Variants in ABCA13 observed in about 807,000 individuals in gnomAD.
ABCA13 encodes the protein ATP binding cassette subfamily A member 13.
A neutral mutation model predicts 478.7 loss-of-function variants in ABCA13; 476 were observed. That is an observed-to-expected ratio of 0.99 (90% confidence interval 0.92 to 1.07). The LOEUF is 1.07. ABCA13 is among the 50% of genes least tolerant of loss of function. ABCA13 has a pLI of 0.00. For synonymous variants in ABCA13, 2,252 were observed against 2,158.9 expected, an observed-to-expected ratio of 1.04 and a Z score of -1.20; for missense variants, 6,060 against 5,910.6, an observed-to-expected ratio of 1.03 and a Z score of -0.83.
intron 3 of ABCA13, among the ~76,000 whole-genome samples, chr7:48,204,740 A>G (rs946071663): frequency 6.6e-6 from 1 of 152,022 alleles, no homozygotes; most frequent in Admixed American, 6.5e-5. Context: ...TTCCTCTTCT[A>G]TATGCAGTCA....
chr7:48,399,956 A>G (rs1198302191), intron 38 of ABCA13, among the ~76,000 whole-genome samples: 5 of 152,016 alleles, frequency 3.3e-5, no homozygotes, highest in African/African-American at 4.8e-5. Context: ...AGGTCATTGT[A>G]TGGTTTTCCA....
chr7:48,534,688 G>C (rs909400763), intron 55 of ABCA13, among the ~76,000 whole-genome samples: 3 of 152,086 alleles, frequency 2.0e-5, no homozygotes, highest in African/African-American at 7.2e-5. Context: ...CTTCTTGGAG[G>C]CTTTGTTCAT....
At chr7:48,379,678 G>T (rs1318879997) in intron 35 of ABCA13, among the ~76,000 whole-genome samples, 2 of 151,900 alleles carry the variant, frequency 1.3e-5, no homozygotes, top group African/African-American at 2.4e-5. Flanking sequence ...GATACTAGAA[G>T]TAAAGCTAAT....
intron 29 of ABCA13, among the ~76,000 whole-genome samples, chr7:48,343,760 A>G: frequency 6.6e-6 from 1 of 151,962 alleles, no homozygotes; most frequent in South Asian, 2.1e-4. Context: ...CTTTATATAG[A>G]TTTTTTAAAG....
rs777815582 is a variant in ABCA13, at chr7:48,274,504, A to G, written c.4838A>G (p.Gln1613Arg). 1.2e-6 allele frequency: 2 copies of G among 1,613,822 alleles called. No individual in the cohort carries two copies. Among genetic ancestry groups the G allele is most frequent in the South Asian group, 1.1e-5 (1 of 91,082 alleles). The change falls in exon 17 of 62, where the codon CAA becomes CGA. Residue 1613 changes from glutamine (Q) to arginine (R), a missense_variant. By Grantham distance (43) the Gln-to-Arg change is conservative. Around this residue, in one of 3 missense-constraint regions of ABCA13, gnomAD observed 4,423 missense variants for 4,309.1 expected, o/e 1.03. Transcript: ENST00000435803. ...YLAFSLSHDLQNSPKIIISPE... is the reference protein window; with the variant it reads ...YLAFSLSHDLRNSPKIIISPE... ...GCCTTCAGCTTATCTCATGACCTCC[A>G]AAATTCACCAAAAATAATAATTTCA...
Position 48,313,132 on chromosome 7 carries a change from C to T in ABCA13, c.9582C>T (p.Ser3194=), listed in dbSNP as rs773229518. 1.9e-5 allele frequency: 30 copies of T among 1,612,954 alleles called. No homozygotes were observed. Among genetic ancestry groups the T allele is most frequent in the East Asian group, 2.2e-5 (1 of 44,868 alleles). ...TGCTGGATATAGTTTCCAGCCTCAG[C>T]GCCTTGCTTGCCAAAGCCCAGCACG... ...NSLLDIVSSL[S]ALLAKAQHVF... The change falls in exon 25 of 62, where the codon AGC becomes AGT. Residue 3194 remains serine, a synonymous_variant. Coordinates refer to ENST00000435803, the MANE Select transcript of ABCA13 (RefSeq NM_152701.5).
intron 8 of ABCA13, among the ~76,000 whole-genome samples, chr7:48,234,643 G>T (rs2129000803): frequency 6.6e-6 from 1 of 152,328 alleles, no homozygotes; most frequent in Non-Finnish European, 1.5e-5. Context: ...AAGGGAGTTG[G>T]ACTGGATGAT....
chr7:48,594,511 G>T (rs987330546), intron 57 of ABCA13, among the ~76,000 whole-genome samples, 199 bp from the exon 58 acceptor site: 1 of 152,044 alleles, frequency 6.6e-6, no homozygotes, highest in Non-Finnish European at 1.5e-5. Context: ...GAGGAGTCAG[G>T]CCCTCACTCA....
At position 48,279,633 on chromosome 7, in the gene ABCA13, A is replaced by G; in HGVS notation, c.8439A>G (p.Glu2813=). The G allele has an allele frequency of 6.2e-7, 1 of 1,612,830 alleles. No individual in the cohort carries two copies. Among genetic ancestry groups the G allele is most frequent in the Non-Finnish European group, 8.5e-7 (1 of 1,179,460 alleles). ...LSQNITHHQL[E]KAIHNVLSRI... ...AGAATATAACTCATCATCAACTTGAAAAAGCAATCCATAATGTTTTAAGTA... is the reference window on the plus strand; with the variant it reads ...AGAATATAACTCATCATCAACTTGAGAAAGCAATCCATAATGTTTTAAGTA... Residue 2813 remains glutamate (E), a synonymous_variant, in exon 18 of 62, where the codon GAA becomes GAG. Coordinates refer to ENST00000435803, the MANE Select transcript of ABCA13 (RefSeq NM_152701.5).
At chr7:48,418,080 C>T (rs182063351) in intron 41 of ABCA13, among the ~76,000 whole-genome samples, 1 of 152,240 alleles carries the variant, frequency 6.6e-6, no homozygotes, top group African/African-American at 2.4e-5. Context: ...TTTATCTATT[C>T]ATCTACTGAA....
At chr7:48,627,266 T>C (rs1793753427) in intron 59 of ABCA13, among the ~76,000 whole-genome samples, 1 of 151,386 alleles carries the variant, frequency 6.6e-6, no homozygotes, top group Middle Eastern at 3.2e-3. Context: ...AGTTTCTTAT[T>C]CTTTCTATAC....
intron 43 of ABCA13, among the ~76,000 whole-genome samples, chr7:48,456,913 TG>T (rs1201255967): frequency 2.0e-5 from 3 of 152,160 alleles, no homozygotes; most frequent in African/African-American, 7.2e-5. Context: ...ATTAGAATTT[TG>T]GGGGGCAAAG....
Position 48,278,167 on chromosome 7 carries a change from T to C in ABCA13, c.6973T>C (p.Leu2325=), listed in dbSNP as rs752915390. 2 of 1,552,936 alleles carry C rather than the reference T, an allele frequency of 1.3e-6. No homozygotes were observed. Among genetic ancestry groups the C allele is most frequent in the East Asian group, 2.3e-5 (1 of 44,354 alleles). ...TCTTACCCTGATGATACAAGACAGA[T>C]TGATGAACATTTTTTCAAGTTTAAA... ...QFLTLMIQDR[L]MNIFSSLKET... Residue 2325 remains leucine (L), a synonymous_variant, in exon 18 of 62, where the codon TTG becomes CTG. Coordinates refer to ENST00000435803, the MANE Select transcript of ABCA13 (RefSeq NM_152701.5).
At chr7:48,472,768 A>G (rs1261122977) in intron 45 of ABCA13, among the ~76,000 whole-genome samples, 3 of 152,170 alleles carry the variant, frequency 2.0e-5, no homozygotes, top group African/African-American at 7.2e-5. Flanking sequence ...ATAAGGCACG[A>G]ATCCCTGGCA....
At chr7:48,575,508 A>G (rs955120864) in intron 55 of ABCA13, among the ~76,000 whole-genome samples, 2 of 152,194 alleles carry the variant, frequency 1.3e-5, no homozygotes, top group African/African-American at 4.8e-5. Flanking sequence ...CATACAACAG[A>G]ATTAAAAGTG....
At chr7:48,290,277 T>G (rs118137114) in intron 20 of ABCA13, among the ~76,000 whole-genome samples, 5,507 of 152,270 alleles carry the variant, frequency 0.036, 206 homozygotes, top group Admixed American at 0.1. Context: ...GAACTTCAGG[T>G]TGGGTGGGGG....
intron 55 of ABCA13, among the ~76,000 whole-genome samples, chr7:48,558,528 C>T (rs757626541): frequency 6.6e-6 from 1 of 152,056 alleles, no homozygotes; most frequent in Non-Finnish European, 1.5e-5. Context: ...GAACTCCTGA[C>T]CTCAGGTGAT....
chr7:48,224,346 C>T (rs1395134969), intron 5 of ABCA13, among the ~76,000 whole-genome samples: 1 of 152,186 alleles, frequency 6.6e-6, no homozygotes, highest in Non-Finnish European at 1.5e-5. Context: ...TTCCAGGAAA[C>T]ATCTCAGTCC....
chr7:48,243,604 C>T (rs1182260396), intron 10 of ABCA13, among the ~76,000 whole-genome samples: 1 of 152,250 alleles, frequency 6.6e-6, no homozygotes, highest in East Asian at 1.9e-4. Context: ...ACCTTGCTCA[C>T]TCTCTCTATA....
Sources: allele counts gnomAD v4.1 joint callset (sites outside exome capture counted in the v4.1 genomes callset), GRCh38; gene constraint gnomAD v4.1.1; regional missense constraint gnomAD v4.1.1; transcripts MANE v1.5; gene names NCBI Gene and HGNC (gene_info 2026-07-23, HGNC 2026-07-21).